The following PRKAR1A variants were observed in gnomAD, a reference collection of about 807,000 sequenced individuals.
The protein encoded by PRKAR1A is cAMP-dependent protein kinase type I-alpha regulatory subunit.
A neutral mutation model predicts 52.0 loss-of-function variants in PRKAR1A; 3 were observed. The observed-to-expected ratio is 0.06, with a 90% confidence interval of 0.03 to 0.15. The LOEUF (loss-of-function observed/expected upper bound fraction) is 0.15. PRKAR1A is among the 10% of genes least tolerant of loss of function. PRKAR1A has a pLI of 1.00. For synonymous variants in PRKAR1A, 188 were observed against 168.4 expected (o/e 1.12, Z -0.90); for missense variants, 240 against 477.4 (o/e 0.50, Z 4.63).
chr17:68,454,712 AC>A, the PRKAR1A span, among the ~76,000 whole-genome samples: 1 of 152,250 alleles, frequency 6.6e-6, no homozygotes, highest in African/African-American at 2.4e-5. Context: ...AAACTTTTTC[AC>A]ATAAATATAG....
At chr17:68,527,780 G>C in intron 7 of PRKAR1A, 60 bp from the exon 8 acceptor site, 1 of 1,304,040 alleles carries the variant, frequency 7.7e-7, no homozygotes, top group Admixed American at 1.7e-5. Flanking sequence ...TTATTCCATA[G>C]CATTATGTGG....
chr17:68,415,582 T>C, the PRKAR1A span, among the ~76,000 whole-genome samples: 1 of 152,214 alleles, frequency 6.6e-6, no homozygotes, highest in Admixed American at 6.5e-5. Flanking sequence ...TTGTTGACTT[T>C]CTTTCTTGAT....
downstream of PRKAR1A, chr17:68,537,874 TA>T: frequency 9.8e-7 from 1 of 1,023,642 alleles, no homozygotes; most frequent in East Asian, 2.6e-5. This position sits in a 1 kb window ranked among gnomAD's most constrained non-coding sequence, Gnocchi z 4.2. Context: ...AGGCACATTT[TA>T]ATGGAAACCA....
chr17:68,419,517 A>T, the PRKAR1A span, among the ~76,000 whole-genome samples: 2 of 152,206 alleles, frequency 1.3e-5, no homozygotes, highest in African/African-American at 4.8e-5. Context: ...CAGAGGTTGC[A>T]GTGAGCTGAA....
At chr17:68,524,818 T>A in intron 5 of PRKAR1A, 94 bp from the exon 6 acceptor site, 1 of 954,364 alleles carries the variant, frequency 1.0e-6, no homozygotes, top group Non-Finnish European at 1.7e-6. Context: ...ACTCTCACAG[T>A]ACCACTGTAA....
At chr17:68,493,886 C>T in the PRKAR1A span, among the ~76,000 whole-genome samples, 1 of 152,108 alleles carries the variant, frequency 6.6e-6, no homozygotes, top group Admixed American at 6.6e-5. Flanking sequence ...GCCACGGCAC[C>T]TGGCCCAACA....
chr17:68,506,162 A>G, the PRKAR1A span, among the ~76,000 whole-genome samples: 1 of 152,148 alleles, frequency 6.6e-6, no homozygotes, highest in Non-Finnish European at 1.5e-5. Flanking sequence ...TAAAGCATTT[A>G]CTATCTGCCC....
At chr17:68,470,944 A>G in the PRKAR1A span, among the ~76,000 whole-genome samples, 1 of 152,228 alleles carries the variant, frequency 6.6e-6, no homozygotes, top group South Asian at 2.1e-4. Context: ...CTTTTTGACC[A>G]TCAAATTCTA....
chr17:68,424,149 G>A, the PRKAR1A span, among the ~76,000 whole-genome samples: 2 of 152,210 alleles, frequency 1.3e-5, no homozygotes, highest in Non-Finnish European at 2.9e-5. Context: ...TAGTTAGGCA[G>A]CATGCCAACA....
chr17:68,452,909 C>G, the PRKAR1A span: 1 of 1,613,624 alleles, frequency 6.2e-7, no homozygotes, highest in Admixed American at 1.7e-5. Context: ...CACACACTTA[C>G]TGCTTCCGTG....
chr17:68,471,591 GTCTC>G, the PRKAR1A span, among the ~76,000 whole-genome samples: 1 of 151,842 alleles, frequency 6.6e-6, no homozygotes, highest in Non-Finnish European at 1.5e-5. Context: ...TTTCCGTTCC[GTCTC>G]TCTCTCTGCC....
intron 11 of PRKAR1A, chr17:68,541,206 A>G: frequency 2.0e-6 from 1 of 505,502 alleles, no homozygotes; most frequent in South Asian, 2.0e-5. Context: ...TGTGTGCCAG[A>G]GGGGAGAGGC....
At chr17:68,540,519 A>G in intron 11 of PRKAR1A, 1 of 484,920 alleles carries the variant, frequency 2.1e-6, no homozygotes, top group Non-Finnish European at 4.1e-6. Context: ...TCCCTGCTAC[A>G]TATTTGTGTA....
chr17:68,541,895 G>A (rs2086313457), intron 11 of PRKAR1A: 2 of 1,468,422 alleles, frequency 1.4e-6, no homozygotes, highest in East Asian at 2.3e-5. Context: ...CAGCTTTTCA[G>A]ATTCAAAAGC....
the PRKAR1A span, chr17:68,457,431 G>C: frequency 1.3e-6 from 2 of 1,495,384 alleles, no homozygotes; most frequent in Non-Finnish European, 1.8e-6. Context: ...TCGGGGGCTC[G>C]GCCCGGGAAG....
the PRKAR1A span, among the ~76,000 whole-genome samples, chr17:68,483,271 A>T: frequency 6.6e-6 from 1 of 152,134 alleles, no homozygotes; most frequent in African/African-American, 2.4e-5. Context: ...ACCTGAGGTC[A>T]GGTGTTCAAG....
intron 2 of PRKAR1A, among the ~76,000 whole-genome samples, chr17:68,517,793 C>T (rs28801441): frequency 0.017 from 2,655 of 152,280 alleles, 88 homozygotes; most frequent in African/African-American, 0.06. Flanking sequence ...AGTCTTAACT[C>T]ATTCCAGCAT....
At chr17:68,530,143 G>C in intron 10 of PRKAR1A, 134 bp from the exon 11 acceptor site, 1 of 1,487,742 alleles carries the variant, frequency 6.7e-7, no homozygotes, top group South Asian at 1.1e-5. Flanking sequence ...GGGAAGGTGT[G>C]AGATTTTGAT....
the PRKAR1A span, chr17:68,427,426 G>A: frequency 2.6e-5 from 12 of 462,280 alleles, no homozygotes; most frequent in African/African-American, 1.2e-4. Flanking sequence ...GCGCAATCTC[G>A]GCTCACTGCA....
Sources: allele counts gnomAD v4.1 joint callset (sites outside exome capture counted in the v4.1 genomes callset), GRCh38; gene constraint gnomAD v4.1.1; non-coding constraint Gnocchi (gnomAD v3.1); transcripts MANE v1.5; gene names NCBI Gene and HGNC (gene_info 2026-07-23, HGNC 2026-07-21).